GMEB2: variants seen among roughly 807,000 people sequenced by gnomAD.
GMEB2 encodes glucocorticoid modulatory element-binding protein 2.
In GMEB2, 7 loss-of-function variants were observed where a neutral mutation model predicts 45.7. The ratio of observed to expected loss-of-function variants is 0.15; its 90% CI spans 0.09 to 0.29. The LOEUF is 0.29. Ranked by LOEUF, GMEB2 falls within the 10% of genes least tolerant of loss-of-function variation. GMEB2 has a pLI of 1.00. For missense variants in GMEB2, 582 were observed against 739.2 expected (o/e 0.79, Z 2.47); for synonymous variants, 322 against 323.6 (o/e 1.00, Z 0.05).
chr20:63,594,366 G>A (rs903530990), intron 6 of GMEB2, among the ~76,000 whole-genome samples: 5 of 152,172 alleles, frequency 3.3e-5, no homozygotes, highest in Non-Finnish European at 5.9e-5. Flanking sequence ...CGGTGGAGCC[G>A]CTGGGGAGGC....
rs1199895084 is a variant in GMEB2 at position 63,604,772 on chromosome 20, G to C, written c.200C>G (p.Ala67Gly). 1.2e-6 allele frequency: 2 copies of C among 1,609,780 alleles called. No homozygotes were observed. Among genetic ancestry groups the C allele is most frequent in the African/African-American group, 2.7e-5 (2 of 74,988 alleles). Residue 67 changes from alanine (A) to glycine (G), a missense_variant, in exon 3 of 10, where the codon GCC becomes GGC. Physicochemically the swap from Ala to Gly is moderately conservative, Grantham distance 60. This residue lies in a region of GMEB2 where 114 missense variants were observed against 123.4 expected (regional missense o/e 0.92). Transcript: ENST00000370077. ...AAAAAAAAFTASSQLKEAVLV... is the reference protein window; with the variant it reads ...AAAAAAAAFTGSSQLKEAVLV... ...CACGGCTTCCTTGAGCTGGGAGGAG[G>C]CTGTGAAGGCCGCGGCAGCTGCTGC...
rs1278959273 is a variant in GMEB2, at chr20:63,593,748, G to A, written c.620-666C>T. ...TTAAAAAACAAACCCGGGGCCGGAT[G>A]TGGTGGCTCACGCCTGTAATCCAGG... On this transcript the variant is annotated intron_variant, in intron 6 of 9. Transcript: ENST00000370077. The surrounding 1 kb of genome is among the most constrained non-coding windows in gnomAD (Gnocchi z 4.7). Among the ~76,000 whole-genome samples the A allele has an allele frequency of 3.9e-5, 6 of 152,344 alleles. No homozygotes were observed. The highest frequency in any genetic ancestry group is 1.4e-4 in the African/African-American group (6 of 41,574).
At chr20:63,610,829 C>G (rs951957513) in intron 2 of GMEB2, among the ~76,000 whole-genome samples, 4 of 152,236 alleles carry the variant, frequency 2.6e-5, no homozygotes, top group Non-Finnish European at 5.9e-5. Flanking sequence ...TTTCCCACCC[C>G]CTCCACTTGA....
Position 63,590,690 on chromosome 20 carries a change from T to C in GMEB2, c.992A>G (p.Lys331Arg). Residue 331 changes from lysine (K) to arginine (R), a missense_variant, in exon 10 of 10, where the codon AAG (lysine) becomes AGG (arginine). Lys to Arg is a conservative substitution (Grantham distance 26, BLOSUM62 2). Transcript: ENST00000370077. ...QQCDEHRRRA[K>R]ELKHKSQHLS... ...GTGCTGGGACTTGTGCTTCAGCTCC[T>C]TGGCTCGGCGACGATGCTCATCACA... is the stretch of plus-strand genomic sequence containing the variant. The C allele has an allele frequency of 6.5e-7, 1 of 1,526,722 alleles. No individual in the cohort carries two copies. The highest frequency in any genetic ancestry group is 8.8e-7 in the Non-Finnish European group (1 of 1,133,838). 94.6% of individuals were successfully genotyped at this position (1,526,722 alleles called of 1,614,324 possible).
intron 9 of GMEB2, 99 bp from the exon 10 acceptor site, chr20:63,590,828 TG>T (rs1199488666): frequency 2.8e-6 from 2 of 719,346 alleles, no homozygotes; most frequent in Admixed American, 3.6e-5. Context: ...GGGTGGCCCC[TG>T]GGTCAGTGGC....
rs2089666748 is a variant in GMEB2 at position 63,625,751 on chromosome 20, C to A, written c.-58+1205G>T. Among the ~76,000 whole-genome samples, 4 of 152,120 alleles carry A rather than the reference C, an allele frequency of 2.6e-5. No individual in the cohort carries two copies. The South Asian group carries it at 8.3e-4, about 32-fold the overall frequency. ...TAGCTGGGATTACAAGTGCACACCA[C>A]CACGCCCGGCTAACTTTTGTATTTT... On this transcript the variant is annotated intron_variant, in intron 1 of 9. Coordinates refer to ENST00000370077, the MANE Select transcript of GMEB2 (RefSeq NM_012384.5).
chr20:63,619,510 T>A lies in GMEB2; in HGVS notation c.-57-56A>T. On this transcript the variant is annotated intron_variant, in intron 1 of 9. Transcript: ENST00000370077. The surrounding 1 kb of genome is among the most constrained non-coding windows in gnomAD (Gnocchi z 4.6). ...GAGTCATCTCCACATCCACACAACA[T>A]AGCACTCACAAAGGCATCTCTAATC... 1 of 1,049,834 alleles carries A rather than the reference T, an allele frequency of 9.5e-7. No homozygotes were observed. Among genetic ancestry groups the A allele is most frequent in the Middle Eastern group, 2.9e-4 (1 of 3,396 alleles). 65.0% of individuals were successfully genotyped at this position (1,049,834 alleles called of 1,614,324 possible). A position where few individuals can be genotyped will look rare whatever the true frequency, so the allele number is the denominator to read the frequency against.
chr20:63,593,888 C>T lies in GMEB2; in HGVS notation c.620-806G>A, dbSNP rs947657881. 2.6e-5 allele frequency among the ~76,000 whole-genome samples: 4 copies of T among 152,188 alleles called. No individual in the cohort carries two copies. The highest frequency in any genetic ancestry group is 1.9e-4 in the East Asian group (1 of 5,196). ...ATACAAAGTCAACCGGGTGTGGCGG[C>T]GTGCGCCTGTAATCCCAGCTACTCG... is the stretch of plus-strand genomic sequence containing the variant. On this transcript the variant is annotated intron_variant, in intron 6 of 9. Transcript: ENST00000370077. This position sits in a 1 kb window ranked among gnomAD's most constrained non-coding sequence, Gnocchi z 4.7.
intron 2 of GMEB2, among the ~76,000 whole-genome samples, chr20:63,615,438 C>T (rs372333848): frequency 1.3e-5 from 2 of 152,166 alleles, no homozygotes; most frequent in East Asian, 3.9e-4. Context: ...GCAATCCTCC[C>T]GCCTCAACCT....
In GMEB2 at chr20:63,593,475, G is replaced by A. The variant is rs550469596; in HGVS notation, c.620-393C>T. On this transcript the variant is annotated intron_variant, in intron 6 of 9. Transcript: ENST00000370077. The surrounding 1 kb of genome is among the most constrained non-coding windows in gnomAD (Gnocchi z 4.7). The stretch of plus-strand genomic sequence containing the variant: ...TTCCCACCGAGAGCTCTGCGGCTGC[G>A]TCTGTCGCCCGTGGGGCTCGCCCTC... Among the ~76,000 whole-genome samples the A allele has an allele frequency of 1.4e-4, 21 of 151,922 alleles. No homozygotes were observed. Among genetic ancestry groups the A allele is most frequent in the Admixed American group, 7.9e-4 (12 of 15,254 alleles).
At chr20:63,620,604 T>C (rs915937674) in intron 1 of GMEB2, among the ~76,000 whole-genome samples, 6 of 152,200 alleles carry the variant, frequency 3.9e-5, no homozygotes, top group Admixed American at 2.6e-4. Flanking sequence ...GATAGGCCAC[T>C]GCCCAGGTCT....
At chr20:63,626,876 A>AC (rs974703414) in intron 1 of GMEB2, 80 bp downstream of exon 1, 5 of 144,878 alleles carry the variant, frequency 3.5e-5, no homozygotes, top group African/African-American at 1.2e-4. Context: ...CTCCGCAGGG[A>AC]CCCCTGACTG....
chr20:63,592,049 G>C lies in GMEB2; in HGVS notation c.925C>G (p.Arg309Gly). The stretch of plus-strand genomic sequence containing the variant: ...GCCAGGTCCCGGGCGTACTGCTCCC[G>C]CGAGCGGTCCATCTGGCACTTGTGG... ...ASHKCQMDRS[R>G]EQYARDLAAL... The change falls in exon 9 of 10, where the codon CGG becomes GGG. Residue 309 changes from arginine (R) to glycine (G), a missense_variant. Arg to Gly is a moderately radical substitution (Grantham distance 125). Transcript: ENST00000370077. The surrounding 1 kb of genome is among the most constrained non-coding windows in gnomAD (Gnocchi z 8.2). 1.9e-6 allele frequency: 3 copies of C among 1,612,710 alleles called. No homozygotes were observed. Among genetic ancestry groups the C allele is most frequent in the Non-Finnish European group, 2.5e-6 (3 of 1,179,844 alleles).
chr20:63,614,921 T>C (rs944883290), intron 2 of GMEB2, among the ~76,000 whole-genome samples: 4 of 152,124 alleles, frequency 2.6e-5, no homozygotes, highest in Admixed American at 6.5e-5. Flanking sequence ...ATCCAATAAA[T>C]AGCGCAACCT....
chr20:63,596,256 G>T (rs543301555), intron 5 of GMEB2, among the ~76,000 whole-genome samples: 1 of 152,232 alleles, frequency 6.6e-6, no homozygotes, highest in Non-Finnish European at 1.5e-5. Flanking sequence ...CAGCACCAAC[G>T]GCCATGGCTG....
At chr20:63,626,654 G>A (rs1240043137) in intron 1 of GMEB2, among the ~76,000 whole-genome samples, 9 of 151,756 alleles carry the variant, frequency 5.9e-5, no homozygotes, top group Admixed American at 5.2e-4. Flanking sequence ...GCACCCCTGC[G>A]GCGTGGTCCC....
intron 2 of GMEB2, among the ~76,000 whole-genome samples, chr20:63,617,325 C>T (rs934209743): frequency 3.9e-5 from 6 of 152,144 alleles, no homozygotes; most frequent in Non-Finnish European, 7.4e-5. Flanking sequence ...TCTCTCCCTC[C>T]CTCTCCATCA....
chr20:63,595,513 A>C (rs2146051063), intron 6 of GMEB2, 97 bp downstream of exon 6: 1 of 1,163,016 alleles, frequency 8.6e-7, no homozygotes. Context: ...GGCGTGAGCA[A>C]ACGCCTGGGG....
At chr20:63,614,573 C>T (rs916386781) in intron 2 of GMEB2, among the ~76,000 whole-genome samples, 8 of 151,924 alleles carry the variant, frequency 5.3e-5, no homozygotes, top group Non-Finnish European at 7.4e-5. Context: ...CCACCTCTTG[C>T]GGAGGGCCTG....
Sources: allele counts gnomAD v4.1 joint callset (sites outside exome capture counted in the v4.1 genomes callset), GRCh38; gene constraint gnomAD v4.1.1; regional missense constraint gnomAD v4.1.1; non-coding constraint Gnocchi (gnomAD v3.1); transcripts MANE v1.5; gene names NCBI Gene and HGNC (gene_info 2026-07-23, HGNC 2026-07-21).